The following U2AF2 variants were observed in gnomAD, a reference collection of about 807,000 sequenced individuals.
The protein encoded by U2AF2 is U2 small nuclear RNA auxiliary factor 2, also known as splicing factor U2AF 65 kDa subunit.
In U2AF2, 6 loss-of-function variants were observed where a neutral mutation model predicts 52.6. The ratio of observed to expected loss-of-function variants is 0.11; its 90% confidence interval spans 0.06 to 0.23. U2AF2 has a LOEUF of 0.23. Ranked by LOEUF, U2AF2 falls within the 10% of genes least tolerant of loss-of-function variation. The probability of loss-of-function intolerance (pLI) is 1.00; values close to 1 mark genes in which losing one functional copy is unlikely to be tolerated. For synonymous variants in U2AF2, 284 were observed against 258.2 expected (o/e 1.10, Z -0.96); for missense variants, 222 against 677.1 (o/e 0.33, Z 7.46).
In U2AF2 at chr19:55,660,163, C is replaced by G; in HGVS notation, c.186-14C>G. 1.2e-6 allele frequency: 2 copies of G among 1,601,240 alleles called. No homozygotes were observed. The highest frequency in any genetic ancestry group is 1.7e-6 in the Non-Finnish European group (2 of 1,172,472). On this transcript the variant is annotated splice_polypyrimidine_tract_variant and intron_variant, in intron 2 of 11. Coordinates refer to ENST00000308924, the MANE Select transcript of U2AF2 (RefSeq NM_007279.3). ...CAGTCACCCCTCCCCATACCTTTCC[C>G]TCCCACCCCCCAGCAAACCTTTGAC...
chr19:55,665,541 CAG>C (rs772134676), intron 7 of U2AF2, among the ~76,000 whole-genome samples: 4 of 143,560 alleles, frequency 2.8e-5, no homozygotes, highest in East Asian at 2.2e-4. Flanking sequence ...TTCTACGACA[CAG>C]GGATTGGCGC....
intron 7 of U2AF2, among the ~76,000 whole-genome samples, chr19:55,665,359 T>G (rs1402103801): frequency 2.1e-5 from 3 of 142,198 alleles, no homozygotes; most frequent in Non-Finnish European, 4.6e-5. Flanking sequence ...CTGTCCTAAG[T>G]GCCCTCCATG....
At position 55,669,664 on chromosome 19, in the gene U2AF2, A is replaced by G. The variant is rs147822325; in HGVS notation, c.1265A>G (p.Asp422Gly). Reference protein sequence around the residue: ...VKSIEIPRPVDGVEVPGCGKI... With the variant: ...VKSIEIPRPVGGVEVPGCGKI... ...TCCATCGAGATCCCCCGGCCTGTGGACGGCGTCGAGGTGCCCGGCTGCGGA... is the reference window on the plus strand; with the variant it reads ...TCCATCGAGATCCCCCGGCCTGTGGGCGGCGTCGAGGTGCCCGGCTGCGGA... The change falls in exon 11 of 12, where the codon GAC becomes GGC. Residue 422 changes from aspartate to glycine, a missense_variant. This residue lies in a region of U2AF2 where 71 missense variants were observed against 180.6 expected (regional missense o/e 0.39). Coordinates refer to ENST00000308924, the MANE Select transcript of U2AF2 (RefSeq NM_007279.3). 1 of 1,610,798 alleles carries G rather than the reference A, an allele frequency of 6.2e-7. No homozygotes were observed.
chr19:55,669,181 G>C lies in U2AF2; in HGVS notation c.1044G>C (p.Pro348=). ...AGAATGCCACGCTGGTGAGCCCCCCGGCACGTCATCTTCCATTGGCTTGAG... is the reference window on the plus strand; with the variant it reads ...AGAATGCCACGCTGGTGAGCCCCCCCGCACGTCATCTTCCATTGGCTTGAG... The part of the protein sequence containing the change: ...GAKNATLVSP[P]STINQTPVTL... The change falls in exon 10 of 12, where the codon CCG becomes CCC. Residue 348 remains proline (P), a splice_region_variant and synonymous_variant. Transcript: ENST00000308924. The C allele has an allele frequency of 6.2e-7, 1 of 1,613,734 alleles. No homozygotes were observed. Among genetic ancestry groups the C allele is most frequent in the Non-Finnish European group, 8.5e-7 (1 of 1,179,886 alleles).
Position 55,655,079 on chromosome 19 carries a change from AC to A in U2AF2, c.-25del. Reference sequence around the variant, plus strand: ...GGCGGCAAGGCGAGGCGAAAGCTGCACAGGGCCCTACGCGGCCGCCTCAGCA... The same window carrying A: ...GGCGGCAAGGCGAGGCGAAAGCTGCAAGGGCCCTACGCGGCCGCCTCAGCA... On this transcript the variant is annotated 5_prime_UTR_variant, in exon 1 of 12. Coordinates refer to ENST00000308924, the MANE Select transcript of U2AF2 (RefSeq NM_007279.3). 6.2e-7 allele frequency: 1 copy of A among 1,606,520 alleles called. No individual in the cohort carries two copies. Among genetic ancestry groups the A allele is most frequent in the Non-Finnish European group, 8.5e-7 (1 of 1,177,732 alleles).
rs1324248625 is a variant in U2AF2 at position 55,669,815 on chromosome 19, T to C, written c.1293+123T>C. On this transcript the variant is annotated intron_variant, in intron 11 of 11. Transcript: ENST00000308924. Reference sequence around the variant, plus strand: ...CTCTTCTCCGCGCGCTCTTTCTTCCTCTCTCTCTCCTCTCGCAGCGCGTGC... The same window carrying C: ...CTCTTCTCCGCGCGCTCTTTCTTCCCCTCTCTCTCCTCTCGCAGCGCGTGC... 6 of 1,350,760 alleles carry C rather than the reference T, an allele frequency of 4.4e-6. No individual in the cohort carries two copies. In the East Asian group the frequency reaches 1.3e-4, roughly 29 times the overall value. 83.7% of individuals were successfully genotyped at this position (1,350,760 alleles called of 1,614,324 possible).
chr19:55,673,883 G>T (rs1207295126), intron 11 of U2AF2, 51 bp from the exon 12 acceptor site: 1 of 1,569,820 alleles, frequency 6.4e-7, no homozygotes, highest in South Asian at 1.2e-5. Flanking sequence ...GACGCTGACT[G>T]GCTGTTGGGC....
chr19:55,657,611 G>T (rs1456702505), intron 1 of U2AF2, among the ~76,000 whole-genome samples: 1 of 152,208 alleles, frequency 6.6e-6, no homozygotes, highest in Admixed American at 6.5e-5. Context: ...CCGTGCCTGT[G>T]TGCCCGCTGC....
At chr19:55,664,748 C>T (rs1295878648) in intron 7 of U2AF2, among the ~76,000 whole-genome samples, 3 of 152,102 alleles carry the variant, frequency 2.0e-5, no homozygotes, top group Non-Finnish European at 1.5e-5. Context: ...GAGACAGTCT[C>T]GCTCTGTCAC....
At chr19:55,657,432 G>C (rs925453118) in intron 1 of U2AF2, among the ~76,000 whole-genome samples, 2 of 152,184 alleles carry the variant, frequency 1.3e-5, no homozygotes, top group Non-Finnish European at 2.9e-5. Flanking sequence ...TCTGCTACCT[G>C]TATCTACAGG....
At chr19:55,669,222 G>T (rs1568554402) in intron 10 of U2AF2, 41 bp downstream of exon 10, 1 of 1,607,934 alleles carries the variant, frequency 6.2e-7, no homozygotes, top group Non-Finnish European at 8.5e-7. Context: ...CTGGGGGTGG[G>T]AGGGGCTGGC....
chr19:55,662,475 C>T (rs779395439), intron 5 of U2AF2, 27 bp from the exon 6 acceptor site: 2 of 1,342,300 alleles, frequency 1.5e-6, no homozygotes, highest in Non-Finnish European at 2.1e-6. Context: ...CCCCCGCCCC[C>T]CCCCTTGTCT....
In U2AF2 at chr19:55,660,484, C is replaced by T. The variant is rs553253192; in HGVS notation, c.231-32C>T. ...CCACTGTTGGTCAGACTGAGGTTGC[C>T]CTGCCCCGCTCTCCCCTCCCACCTC... On this transcript the variant is annotated intron_variant, in intron 3 of 11. Transcript: ENST00000308924. 1.1e-5 allele frequency: 12 copies of T among 1,106,088 alleles called. No homozygotes were observed. The East Asian group carries it at 2.8e-4, about 26-fold the overall frequency. 68.5% of individuals were successfully genotyped at this position (1,106,088 alleles called of 1,614,324 possible).
intron 11 of U2AF2, among the ~76,000 whole-genome samples, chr19:55,672,729 ATTTT>A (rs74179629): frequency 7.1e-6 from 1 of 141,268 alleles, no homozygotes; most frequent in East Asian, 2.0e-4. Flanking sequence ...TATCTCAAGA[ATTTT>A]TTTTTTTTTT....
chr19:55,662,720 GC>G, intron 6 of U2AF2, 102 bp downstream of exon 6: 1 of 945,904 alleles, frequency 1.1e-6, no homozygotes, highest in Admixed American at 2.0e-5. Flanking sequence ...TTTCCACCAG[GC>G]CCTCTGCAGC....
intron 11 of U2AF2, among the ~76,000 whole-genome samples, chr19:55,673,365 T>C (rs1985051948): frequency 6.6e-6 from 1 of 151,790 alleles, no homozygotes; most frequent in African/African-American, 2.4e-5. Flanking sequence ...AAGAAATAAG[T>C]TCATCTGCTA....
chr19:55,667,697 C>T (rs1041656409), intron 7 of U2AF2, among the ~76,000 whole-genome samples: 2 of 152,126 alleles, frequency 1.3e-5, no homozygotes, highest in Non-Finnish European at 2.9e-5. Flanking sequence ...CGCGGCTGCT[C>T]ATCGTGTCGT....
rs73936310 is a variant in U2AF2 at position 55,661,159 on chromosome 19, C to T, written c.456C>T (p.Tyr152=). The T allele has an allele frequency of 3.8e-3, 6,164 of 1,610,678 alleles. 216 individuals carry two copies. The African/African-American group carries it at 0.07, about 18-fold the overall frequency. ...TGACCAGACAAGCCCGGCGCCTCTA[C>T]GTGGGCAACATCCCCTTTGGCATCA... ...SQMTRQARRL[Y]VGNIPFGITE... is the part of the protein sequence containing the mutation. Residue 152 remains tyrosine (Y), a synonymous_variant, in exon 5 of 12, where the codon TAC becomes TAT. Coordinates refer to ENST00000308924, the MANE Select transcript of U2AF2 (RefSeq NM_007279.3).
Position 55,660,227 on chromosome 19 carries a change from C to T in U2AF2, c.230+6C>T, listed in dbSNP as rs530615105. 38 of 1,610,812 alleles carry T rather than the reference C, an allele frequency of 2.4e-5. No individual in the cohort carries two copies. In the South Asian group the frequency reaches 3.0e-4, roughly 13 times the overall value. ...GAGGAGCACGGTGGACTGATGTGAG[C>T]TTCTCTTCCTGCCCCTTCCTCCCTG... is the stretch of plus-strand genomic sequence containing the variant. On this transcript the variant is annotated splice_donor_region_variant and intron_variant, in intron 3 of 11. Coordinates refer to ENST00000308924, the MANE Select transcript of U2AF2 (RefSeq NM_007279.3).
Sources: allele counts gnomAD v4.1 joint callset (sites outside exome capture counted in the v4.1 genomes callset), GRCh38; gene constraint gnomAD v4.1.1; regional missense constraint gnomAD v4.1.1; transcripts MANE v1.5; gene names NCBI Gene and HGNC (gene_info 2026-07-23, HGNC 2026-07-21).